The following TBC1D31 variants were observed in gnomAD, a reference collection of about 807,000 sequenced individuals.
TBC1D31 encodes TBC1 domain family member 31, also known as WD repeat domain 67.
TBC1D31 carries 99 observed loss-of-function variants against 132.9 expected under a neutral mutation model. The observed-to-expected ratio is 0.74, with a 90% confidence interval of 0.63 to 0.88. The LOEUF (loss-of-function observed/expected upper bound fraction) is 0.88. TBC1D31 is among the 40% of genes least tolerant of loss of function. The pLI is 0.00. For missense variants in TBC1D31, 1,134 were observed against 1,256.6 expected (o/e 0.90, Z 1.48); for synonymous variants, 385 against 419.4 (o/e 0.92, Z 1.00).
intron 4 of TBC1D31, among the ~76,000 whole-genome samples, chr8:123,092,821 T>A (rs1321379002): frequency 6.9e-6 from 1 of 145,704 alleles, no homozygotes; most frequent in Non-Finnish European, 1.5e-5. Context: ...TTTTTTTTTT[T>A]TTTTTTTTGA....
Position 123,128,406 on chromosome 8 carries a change from A to C in TBC1D31, c.2010A>C (p.Thr670=). The C allele has an allele frequency of 6.2e-7, 1 of 1,613,716 alleles. No homozygotes were observed. The highest frequency in any genetic ancestry group is 8.5e-7 in the Non-Finnish European group (1 of 1,179,636). Reference sequence around the variant, plus strand: ...TGCTTAATGTTTTTGTTGCACTGACAAAAGGGCAGTATCCAGTATTTAATC... The same window carrying C: ...TGCTTAATGTTTTTGTTGCACTGACCAAAGGGCAGTATCCAGTATTTAATC... The part of the protein sequence containing the change: ...DSMLNVFVAL[T]KGQYPVFNQY... Residue 670 remains threonine (T), a synonymous_variant, in exon 14 of 22, where the codon ACA becomes ACC. Coordinates refer to ENST00000287380, the MANE Select transcript of TBC1D31 (RefSeq NM_145647.4).
intron 4 of TBC1D31, among the ~76,000 whole-genome samples, chr8:123,085,402 G>A (rs1339429400): frequency 6.6e-6 from 1 of 152,064 alleles, no homozygotes; most frequent in Non-Finnish European, 1.5e-5. Context: ...TACAATAATA[G>A]TTTATGTAAG....
chr8:123,146,061 G>C (rs1485967236), intron 20 of TBC1D31, among the ~76,000 whole-genome samples: 1 of 151,682 alleles, frequency 6.6e-6, no homozygotes, highest in African/African-American at 2.4e-5. Context: ...GTAGAGATGG[G>C]TTTTCGCCAT....
At chr8:123,165,077 A>C in the TBC1D31 span, among the ~76,000 whole-genome samples, 1 of 152,216 alleles carries the variant, frequency 6.6e-6, no homozygotes, top group East Asian at 1.9e-4. Flanking sequence ...GGCCATCTAC[A>C]AGCCAAGGAG....
At chr8:123,147,344 T>C (rs1458182531) in intron 20 of TBC1D31, among the ~76,000 whole-genome samples, 3 of 152,124 alleles carry the variant, frequency 2.0e-5, no homozygotes, top group East Asian at 3.9e-4. Flanking sequence ...AGCTAATTTT[T>C]GTATTTTTAG....
chr8:123,128,582 G>A, intron 14 of TBC1D31, 69 bp downstream of exon 14: 1 of 1,275,150 alleles, frequency 7.8e-7, no homozygotes, highest in Non-Finnish European at 1.1e-6. Flanking sequence ...AAGTTTTAAT[G>A]AAAAATACAT....
chr8:123,119,352 G>T (rs552548892), intron 10 of TBC1D31, among the ~76,000 whole-genome samples: 1 of 152,276 alleles, frequency 6.6e-6, no homozygotes, highest in South Asian at 2.1e-4. Flanking sequence ...ACATACAGTG[G>T]CATTAAGCAC....
chr8:123,095,084 T>C (rs934296600), intron 5 of TBC1D31, among the ~76,000 whole-genome samples: 9 of 152,214 alleles, frequency 5.9e-5, no homozygotes, highest in Admixed American at 2.6e-4. Flanking sequence ...GATTTTGCTC[T>C]TGTCTTCATG....
At chr8:123,093,102 G>A in intron 4 of TBC1D31, among the ~76,000 whole-genome samples, 1 of 151,744 alleles carries the variant, frequency 6.6e-6, no homozygotes, top group East Asian at 1.9e-4. Context: ...GTGAGTCACT[G>A]CGCCTGGCCT....
At chr8:123,112,071 A>G (rs2130579432) in intron 10 of TBC1D31, among the ~76,000 whole-genome samples, 2 of 152,254 alleles carry the variant, frequency 1.3e-5, no homozygotes, top group African/African-American at 4.8e-5. Flanking sequence ...GCCCAGGCTC[A>G]TCTGGATCTC....
At chr8:123,132,574 CATCT>C (rs1445272672) in intron 16 of TBC1D31, among the ~76,000 whole-genome samples, 1 of 151,668 alleles carries the variant, frequency 6.6e-6, no homozygotes, top group Non-Finnish European at 1.5e-5. Context: ...CCACAACACC[CATCT>C]AATTTTTGTA....
In TBC1D31 at chr8:123,140,981, T is replaced by C. The variant is rs78137849; in HGVS notation, c.2640+80T>C. 6.0e-4 allele frequency: 801 copies of C among 1,329,954 alleles called. 9 individuals are homozygous for C. The East Asian group carries it at 0.018, about 30-fold the overall frequency. 82.4% of individuals were successfully genotyped at this position (1,329,954 alleles called of 1,614,324 possible). Reference sequence around the variant, plus strand: ...CCTCTTAAGAGAACAAAATCGAAATTAAACTCTGTGAAGTTGAGTTAGTTT... The same window carrying C: ...CCTCTTAAGAGAACAAAATCGAAATCAAACTCTGTGAAGTTGAGTTAGTTT... On this transcript the variant is annotated intron_variant, in intron 18 of 21. Transcript: ENST00000287380.
In TBC1D31 at chr8:123,129,820, T is replaced by C. The variant is rs573802612; in HGVS notation, c.2271-378T>C. Among the ~76,000 whole-genome samples, 12 of 152,218 alleles carry C rather than the reference T, an allele frequency of 7.9e-5. No homozygotes were observed. The South Asian group carries it at 2.5e-3, about 32-fold the overall frequency. On this transcript the variant is annotated intron_variant, in intron 15 of 21. Coordinates refer to ENST00000287380, the MANE Select transcript of TBC1D31 (RefSeq NM_145647.4). Reference sequence around the variant, plus strand: ...AAAATAAAAAGAAAAAACTTAAAAATAAATACATAAAAGTATGTTAATAAG... The same window carrying C: ...AAAATAAAAAGAAAAAACTTAAAAACAAATACATAAAAGTATGTTAATAAG...
the TBC1D31 span, among the ~76,000 whole-genome samples, chr8:123,162,635 G>A: frequency 1.1e-4 from 16 of 152,156 alleles, no homozygotes; most frequent in Non-Finnish European, 2.9e-5. Flanking sequence ...CCGCCGGGGA[G>A]GAAAGCAGGA....
chr8:123,109,250 ATT>A, intron 8 of TBC1D31, 65 bp from the exon 9 acceptor site: 1 of 1,174,424 alleles, frequency 8.5e-7, no homozygotes, highest in Non-Finnish European at 1.2e-6. Context: ...TGTGGACTAG[ATT>A]ACCTTTGTCA....
At chr8:123,123,203 C>T (rs904727464) in intron 11 of TBC1D31, 1 of 152,284 alleles carries the variant, frequency 6.6e-6, no homozygotes, top group African/African-American at 2.4e-5. Flanking sequence ...CCCAGATACT[C>T]CAGTCACCTT....
intron 10 of TBC1D31, among the ~76,000 whole-genome samples, chr8:123,111,546 G>A (rs1378582771): frequency 6.6e-6 from 1 of 151,982 alleles, no homozygotes; most frequent in African/African-American, 2.4e-5. Flanking sequence ...TTTCAATTCA[G>A]ATTTAAGATT....
chr8:123,086,697 C>T (rs576671822), intron 4 of TBC1D31, among the ~76,000 whole-genome samples: 1 of 151,936 alleles, frequency 6.6e-6, no homozygotes, highest in Non-Finnish European at 1.5e-5. Context: ...CCCTCTCTCC[C>T]CTTCCTTCTT....
At chr8:123,130,745 C>A (rs1053465994) in intron 16 of TBC1D31, among the ~76,000 whole-genome samples, 3 of 151,434 alleles carry the variant, frequency 2.0e-5, no homozygotes, top group African/African-American at 7.3e-5. Context: ...CCTCAGCCTC[C>A]CAAGTAGCTG....
Sources: allele counts gnomAD v4.1 joint callset (sites outside exome capture counted in the v4.1 genomes callset), GRCh38; gene constraint gnomAD v4.1.1; transcripts MANE v1.5; gene names NCBI Gene and HGNC (gene_info 2026-07-23, HGNC 2026-07-21).